AQP9: variants seen among roughly 807,000 people sequenced by gnomAD.
The protein encoded by AQP9 is aquaporin-9.
AQP9 carries 19 observed loss-of-function variants against 23.8 expected under a neutral mutation model. That is an observed-to-expected ratio of 0.80 (90% confidence interval 0.56 to 1.17). The LOEUF (loss-of-function observed/expected upper bound fraction) is 1.17, where lower values mean the gene tolerates loss of function less well. Ranked by LOEUF, AQP9 falls within the 50% of genes most tolerant of loss-of-function variation. The pLI, the probability that AQP9 is intolerant of heterozygous loss-of-function variation, is 0.00. For synonymous variants in AQP9, 153 were observed against 131.5 expected (o/e 1.16, Z -1.12); for missense variants, 413 against 362.0 (o/e 1.14, Z -1.14).
chr15:58,159,792 A>G (rs1420085134), intron 1 of AQP9, among the ~76,000 whole-genome samples: 7 of 152,206 alleles, frequency 4.6e-5, no homozygotes, highest in African/African-American at 1.7e-4. Flanking sequence ...TTCACTTAAC[A>G]TAATGACCTC....
intron 1 of AQP9, chr15:58,154,142 T>C (rs1420502892): frequency 6.6e-6 from 1 of 152,154 alleles, no homozygotes; most frequent in African/African-American, 2.4e-5. Context: ...TTACAGACTT[T>C]TAAATTCTCC....
At position 58,166,795 on chromosome 15, in the gene AQP9, C is replaced by A. The variant is rs1200509594; in HGVS notation, c.234C>A (p.Val78=). The A allele has an allele frequency of 1.2e-6, 2 of 1,613,618 alleles. No homozygotes were observed. The highest frequency in any genetic ancestry group is 1.7e-6 in the Non-Finnish European group (2 of 1,179,682). Residue 78 remains valine, a synonymous_variant, in exon 2 of 6, where the codon GTC becomes GTA. Coordinates refer to ENST00000219919, the MANE Select transcript of AQP9 (RefSeq NM_020980.5). ...VAMAIYVAGG[V]SGGHINPAVS... ...TGGCCATTTATGTGGCTGGCGGTGT[C>A]TCTGGTAAGCAGTAGAAATAATGAA...
chr15:58,180,438 T>G (rs1398223823), intron 5 of AQP9, among the ~76,000 whole-genome samples: 4 of 151,992 alleles, frequency 2.6e-5, no homozygotes, highest in African/African-American at 4.8e-5. Context: ...GCATCTAGAG[T>G]GTAAGTGCCA....
intron 1 of AQP9, among the ~76,000 whole-genome samples, chr15:58,147,055 G>A (rs929274719): frequency 2.0e-5 from 3 of 152,150 alleles, no homozygotes; most frequent in Non-Finnish European, 4.4e-5. Context: ...GTTTCAAGGC[G>A]CTTGGGAGAA....
chr15:58,161,292 G>A (rs139544304), intron 1 of AQP9, among the ~76,000 whole-genome samples: 11 of 152,272 alleles, frequency 7.2e-5, no homozygotes, highest in African/African-American at 2.6e-4. Flanking sequence ...GACTGGAGGA[G>A]TTCCCACCAA....
rs192641731 is a variant in AQP9, at chr15:58,138,633, C to G, written c.68C>G (p.Ala23Gly). The G allele has an allele frequency of 6.2e-7, 1 of 1,613,786 alleles. No individual in the cohort carries two copies. The highest frequency in any genetic ancestry group is 8.5e-7 in the Non-Finnish European group (1 of 1,179,798). ...AGACTGGTCTTGAAGAGCAGCTTAG[C>G]GAAAGAAACCCTCTCTGAGTTCTTG... Reference protein sequence around the residue: ...KQRLVLKSSLAKETLSEFLGT... With the variant: ...KQRLVLKSSLGKETLSEFLGT... Residue 23 changes from alanine (A) to glycine (G), a missense_variant, in exon 1 of 6, where the codon GCG (alanine) becomes GGG (glycine). Transcript: ENST00000219919.
At chr15:58,182,059 G>T (rs960581294) in intron 5 of AQP9, among the ~76,000 whole-genome samples, 1 of 152,146 alleles carries the variant, frequency 6.6e-6, no homozygotes, top group Non-Finnish European at 1.5e-5. Context: ...GCAGTGGAAT[G>T]ATGGCAGGTA....
Position 58,138,390 on chromosome 15 carries a change from G to C in AQP9, c.-176G>C. Reference sequence around the variant, plus strand: ...ACAGGGAATGACAGTTCCACCAGAAGACGATTAAGCCACAGCCTCTAATTG... The same window carrying C: ...ACAGGGAATGACAGTTCCACCAGAACACGATTAAGCCACAGCCTCTAATTG... On this transcript the variant is annotated 5_prime_UTR_variant, in exon 1 of 6. Coordinates refer to ENST00000219919, the MANE Select transcript of AQP9 (RefSeq NM_020980.5). The C allele has an allele frequency of 1.9e-6, 1 of 530,836 alleles. No homozygotes were observed. The highest frequency in any genetic ancestry group is 3.4e-6 in the Non-Finnish European group (1 of 294,428). The allele number at this position is 530,836 out of a possible 1,614,324, so 32.9% of individuals were successfully genotyped here.
chr15:58,172,680 T>C (rs1156755126), intron 2 of AQP9, among the ~76,000 whole-genome samples: 4 of 152,194 alleles, frequency 2.6e-5, no homozygotes, highest in African/African-American at 9.7e-5. Context: ...CTTATACATA[T>C]ATTGGATAAG....
At chr15:58,171,111 C>A (rs7496709) in intron 2 of AQP9, among the ~76,000 whole-genome samples, 77 of 142,724 alleles carry the variant, frequency 5.4e-4, no homozygotes, top group African/African-American at 2.0e-3. Flanking sequence ...TTTTTTGAGA[C>A]GGAGTTTCGC....
chr15:58,167,904 T>C (rs1224484656), intron 2 of AQP9, among the ~76,000 whole-genome samples: 2 of 152,134 alleles, frequency 1.3e-5, no homozygotes, highest in Non-Finnish European at 2.9e-5. Flanking sequence ...TTTGTATTTT[T>C]AGTAGAGACG....
At chr15:58,177,946 G>T (rs1007846415) in intron 4 of AQP9, among the ~76,000 whole-genome samples, 6 of 152,010 alleles carry the variant, frequency 3.9e-5, no homozygotes, top group African/African-American at 1.5e-4. Flanking sequence ...CTGCATCCAT[G>T]GATTCAACCA....
At chr15:58,176,693 C>G (rs1898764508) in intron 4 of AQP9, among the ~76,000 whole-genome samples, 1 of 150,908 alleles carries the variant, frequency 6.6e-6, no homozygotes, top group Admixed American at 6.6e-5. Context: ...TCACTGCAAC[C>G]TCCACCTCCC....
rs577148339 is a variant in AQP9 at position 58,163,613 on chromosome 15, C to A, written c.112-3060C>A. Reference sequence around the variant, plus strand: ...AGAAGAATCTGAATGGACGACAGACCTAAAAATGCTTTCTAGATAGGGAGA... The same window carrying A: ...AGAAGAATCTGAATGGACGACAGACATAAAAATGCTTTCTAGATAGGGAGA... On this transcript the variant is annotated intron_variant, in intron 1 of 5. Coordinates refer to ENST00000219919, the MANE Select transcript of AQP9 (RefSeq NM_020980.5). Among the ~76,000 whole-genome samples, 25 of 152,054 alleles carry A rather than the reference C, an allele frequency of 1.6e-4. 1 individual carries two copies. The highest frequency in any genetic ancestry group is 6.0e-4 in the African/African-American group (25 of 41,464).
chr15:58,175,544 C>A (rs1898733003), intron 4 of AQP9, among the ~76,000 whole-genome samples: 1 of 152,206 alleles, frequency 6.6e-6, no homozygotes, highest in Non-Finnish European at 1.5e-5. Flanking sequence ...TTCTAGCACC[C>A]AAGCATACTG....
intron 4 of AQP9, among the ~76,000 whole-genome samples, chr15:58,178,641 T>G (rs952940723): frequency 6.6e-6 from 1 of 152,234 alleles, no homozygotes; most frequent in Non-Finnish European, 1.5e-5. Context: ...ACTAATGAGT[T>G]TTTACCACTG....
intron 1 of AQP9, among the ~76,000 whole-genome samples, chr15:58,147,492 A>C (rs1174098624): frequency 6.6e-6 from 1 of 152,182 alleles, no homozygotes; most frequent in Non-Finnish European, 1.5e-5. Context: ...GAAACTTCTA[A>C]GCAAAGCAAG....
rs534721988 is a variant in AQP9, at chr15:58,160,606, T to A, written c.112-6067T>A. On this transcript the variant is annotated intron_variant, in intron 1 of 5. Coordinates refer to ENST00000219919, the MANE Select transcript of AQP9 (RefSeq NM_020980.5). ...GTTCTCCCCATGTATACATGTTAAA[T>A]AAATTTGTATGGTTTTCCTCCAATT... 5.3e-5 allele frequency among the ~76,000 whole-genome samples: 8 copies of A among 151,344 alleles called. No homozygotes were observed. The South Asian group carries it at 1.7e-3, about 32-fold the overall frequency.
At chr15:58,155,218 G>A (rs1898225092) in intron 1 of AQP9, 1 of 152,120 alleles carries the variant, frequency 6.6e-6, no homozygotes, top group African/African-American at 2.4e-5. Flanking sequence ...TGCTAACGGC[G>A]CTTCAGTATT....
Sources: gnomAD v4.1 joint callset for allele counts (sites outside exome capture counted in the v4.1 genomes callset) on GRCh38, gnomAD v4.1.1 for gene constraint, MANE v1.5 for transcripts, NCBI Gene and HGNC (gene_info 2026-07-23, HGNC 2026-07-21) for gene names.